The following CHD8 variants were observed in gnomAD, a reference collection of about 807,000 sequenced individuals.
CHD8 encodes ATP-dependent chromatin remodeler CHD8.
CHD8 carries 31 observed loss-of-function variants against 279.2 expected under a neutral mutation model. The ratio of observed to expected loss-of-function variants is 0.11; its 90% CI spans 0.08 to 0.15. The LOEUF (loss-of-function observed/expected upper bound fraction) is 0.15, where lower values mean the gene tolerates loss of function less well. Among genes scored for constraint, CHD8 ranks in the 10% least tolerant of loss-of-function variants. The probability of loss-of-function intolerance (pLI) is 1.00; values close to 1 mark genes in which losing one functional copy is unlikely to be tolerated. For synonymous variants in CHD8, 1,081 were observed against 1,139.6 expected, an observed-to-expected ratio of 0.95 and a Z score of 1.04; for missense variants, 2,146 against 3,230.5, an observed-to-expected ratio of 0.66 and a Z score of 8.14.
chr14:21,428,101 T>G lies in CHD8; in HGVS notation c.1369A>C (p.Lys457Gln), dbSNP rs1460744272. 1 of 1,614,016 alleles carries G rather than the reference T, an allele frequency of 6.2e-7. No homozygotes were observed. Among genetic ancestry groups the G allele is most frequent in the Non-Finnish European group, 8.5e-7 (1 of 1,179,898 alleles). The change falls in exon 4 of 38, where the codon AAG (lysine) becomes CAG (glutamine). Residue 457 changes from lysine to glutamine, a missense_variant. Lys to Gln is a moderately conservative substitution (Grantham distance 53). Coordinates refer to ENST00000646647, the MANE Select transcript of CHD8 (RefSeq NM_001170629.2). Reference protein sequence around the residue: ...EENRRLEHQKKQEKANRIVAE... With the variant: ...EENRRLEHQKQQEKANRIVAE... ...ACAATCCGATTTGCTTTCTCTTGCTTCTTCTGGTGTTCCAATCTGCGGTTT... is the reference window on the plus strand; with the variant it reads ...ACAATCCGATTTGCTTTCTCTTGCTGCTTCTGGTGTTCCAATCTGCGGTTT...
chr14:21,412,073 C>CA (rs201445081), intron 10 of CHD8, among the ~76,000 whole-genome samples: 1,647 of 146,876 alleles, frequency 0.011, 30 homozygotes, highest in African/African-American at 0.037. Context: ...AAAAAAAAAC[C>CA]AAAAAAAAAG....
At chr14:21,388,191 T>G (rs1396835539) in intron 37 of CHD8, among the ~76,000 whole-genome samples, 1 of 152,238 alleles carries the variant, frequency 6.6e-6, no homozygotes, top group Non-Finnish European at 1.5e-5. Context: ...ATTGATAGTT[T>G]ACTTTAAAAT....
rs1462434165 is a variant in CHD8 at position 21,405,206 on chromosome 14, C to T, written c.3307+3G>A. ...TTCAGGTATATACCAAGCATTCCCT[C>T]ACCATTGATGAGATATGGGTGGTTG... is the stretch of plus-strand genomic sequence containing the variant. On this transcript the variant is annotated splice_donor_region_variant and intron_variant, in intron 16 of 37. Coordinates refer to ENST00000646647, the MANE Select transcript of CHD8 (RefSeq NM_001170629.2). The surrounding 1 kb of genome is among the most constrained non-coding windows in gnomAD (Gnocchi z 4.2). 5.0e-6 allele frequency: 8 copies of T among 1,613,348 alleles called. No homozygotes were observed. In the Middle Eastern group the frequency reaches 6.6e-4, roughly 133 times the overall value.
intron 1 of CHD8, among the ~76,000 whole-genome samples, chr14:21,450,095 C>T (rs1191010127): frequency 1.3e-5 from 2 of 152,030 alleles, no homozygotes; most frequent in Non-Finnish European, 2.9e-5. Context: ...TTGCTAGCCC[C>T]TATTCAAAAA....
At chr14:21,433,542 C>A (rs1889650955) in intron 1 of CHD8, among the ~76,000 whole-genome samples, 1 of 152,302 alleles carries the variant, frequency 6.6e-6, no homozygotes, top group African/African-American at 2.4e-5. Flanking sequence ...TTCCATATAA[C>A]CCCCATGCTA....
chr14:21,417,659 C>G (rs1888788595), intron 5 of CHD8, among the ~76,000 whole-genome samples: 1 of 151,722 alleles, frequency 6.6e-6, no homozygotes, highest in African/African-American at 2.4e-5. Flanking sequence ...TTGAGACCAT[C>G]CTGGCTAACA....
At position 21,391,460 on chromosome 14, in the gene CHD8, C is replaced by T. The variant is rs1299163049; in HGVS notation, c.7065+3G>A. On this transcript the variant is annotated splice_donor_region_variant and intron_variant, in intron 36 of 37. Transcript: ENST00000646647. ...AATCTTGCTGGATGGGACTGCCACT[C>T]ACCGCTAGAAATCGGGGATCAACAG... 4 of 1,613,212 alleles carry T rather than the reference C, an allele frequency of 2.5e-6. No individual in the cohort carries two copies. The African/African-American group carries it at 5.3e-5, about 22-fold the overall frequency.
At position 21,389,362 on chromosome 14, in the gene CHD8, G is replaced by T. The variant is rs567927424; in HGVS notation, c.7182+1585C>A. Among the ~76,000 whole-genome samples the T allele has an allele frequency of 2.0e-5, 3 of 151,684 alleles. No homozygotes were observed. In the South Asian group the frequency reaches 6.2e-4, roughly 32 times the overall value. ...ACAGTGGCTCATGCCTGTAATCCCA[G>T]TACTTCGGGAGGCTTAGGCAGGTGG... On this transcript the variant is annotated intron_variant, in intron 37 of 37. Coordinates refer to ENST00000646647, the MANE Select transcript of CHD8 (RefSeq NM_001170629.2).
Position 21,408,465 on chromosome 14 carries a change from A to G in CHD8, c.2577T>C (p.His859=), listed in dbSNP as rs747598027. 6.2e-7 allele frequency: 1 copy of G among 1,614,026 alleles called. No homozygotes were observed. Among genetic ancestry groups the G allele is most frequent in the South Asian group, 1.1e-5 (1 of 91,090 alleles). ...FLQEVYNVGI[H]GPFLVIAPLS... ...GTGGGGCAATGACCAAGAAGGGACC[A>G]TGGATGCCCACATTATATACTTCCT... The change falls in exon 13 of 38, where the codon CAT becomes CAC. Residue 859 remains histidine, a synonymous_variant. Coordinates refer to ENST00000646647, the MANE Select transcript of CHD8 (RefSeq NM_001170629.2). The surrounding 1 kb of genome is among the most constrained non-coding windows in gnomAD (Gnocchi z 4.3).
intron 8 of CHD8, 74 bp downstream of exon 8, chr14:21,414,864 C>A (rs978713400): frequency 2.7e-6 from 3 of 1,117,792 alleles, no homozygotes; most frequent in African/African-American, 3.1e-5. Context: ...CACATTCCCA[C>A]CCAGGATACC....
chr14:21,446,859 T>C (rs1346001002), intron 1 of CHD8, among the ~76,000 whole-genome samples: 1 of 152,252 alleles, frequency 6.6e-6, no homozygotes, highest in Non-Finnish European at 1.5e-5. Context: ...GTTGTAAAGA[T>C]TGAATAACTG....
At chr14:21,448,036 A>G (rs907021749) in intron 1 of CHD8, among the ~76,000 whole-genome samples, 1 of 152,220 alleles carries the variant, frequency 6.6e-6, no homozygotes, top group Non-Finnish European at 1.5e-5. Flanking sequence ...GCTCCCCCAC[A>G]TACATTCCTG....
chr14:21,401,856 G>C, intron 20 of CHD8, 101 bp downstream of exon 20: 2 of 1,150,400 alleles, frequency 1.7e-6, no homozygotes, highest in South Asian at 2.8e-5. Flanking sequence ...AAAGTGCTGG[G>C]AATATAGGCA....
intron 16 of CHD8, chr14:21,404,822 T>C (rs1382637390): frequency 2.3e-5 from 4 of 176,976 alleles, no homozygotes; most frequent in African/African-American, 9.6e-5. Context: ...ACATTCCAAA[T>C]AAGAATTGTT....
chr14:21,413,361 G>T (rs564432756), intron 9 of CHD8, among the ~76,000 whole-genome samples: 1 of 150,088 alleles, frequency 6.7e-6, no homozygotes, highest in South Asian at 2.1e-4. Flanking sequence ...TACAACTCCC[G>T]CAACTATTTT....
Position 21,408,964 on chromosome 14 carries a change from A to G in CHD8, c.2365-139T>C. 2.2e-6 allele frequency: 2 copies of G among 928,786 alleles called. No individual in the cohort carries two copies. The highest frequency in any genetic ancestry group is 1.8e-5 in the South Asian group (1 of 55,790). 57.5% of individuals were successfully genotyped at this position (928,786 alleles called of 1,614,324 possible). ...CATGTCAAATATATTTAAATTTATG[A>G]GTTCATAACGTTACTTTATGGGTCC... On this transcript the variant is annotated intron_variant, in intron 11 of 37. Coordinates refer to ENST00000646647, the MANE Select transcript of CHD8 (RefSeq NM_001170629.2). This position sits in a 1 kb window ranked among gnomAD's most constrained non-coding sequence, Gnocchi z 4.3.
At chr14:21,440,875 C>G (rs1889941588) in intron 1 of CHD8, among the ~76,000 whole-genome samples, 1 of 152,114 alleles carries the variant, frequency 6.6e-6, no homozygotes, top group Non-Finnish European at 1.5e-5. Flanking sequence ...ACAGAGGACA[C>G]AGAAGCAGTT....
chr14:21,415,947 C>T (rs369133906), intron 5 of CHD8, 40 bp from the exon 6 acceptor site: 2 of 1,529,712 alleles, frequency 1.3e-6, no homozygotes, highest in East Asian at 4.5e-5. Context: ...AGTTAGGTCT[C>T]TCACAGAGAA....
chr14:21,432,980 T>A (rs1889628057), intron 1 of CHD8, among the ~76,000 whole-genome samples: 1 of 152,156 alleles, frequency 6.6e-6, no homozygotes, highest in Non-Finnish European at 1.5e-5. Flanking sequence ...ATATAAAAAT[T>A]TGTTATGAAT....
Sources: allele counts gnomAD v4.1 joint callset (sites outside exome capture counted in the v4.1 genomes callset), GRCh38; gene constraint gnomAD v4.1.1; non-coding constraint Gnocchi (gnomAD v3.1); transcripts MANE v1.5; gene names NCBI Gene and HGNC (gene_info 2026-07-23, HGNC 2026-07-21).